RNF182: variants seen among roughly 807,000 people sequenced by gnomAD.
RNF182 encodes ring finger protein 182, also known as E3 ubiquitin-protein ligase RNF182.
Under a neutral mutation model 14.4 loss-of-function variants are expected in RNF182, and 15 were observed. The observed-to-expected ratio is 1.04, with a 90% CI of 0.70 to 1.60. The LOEUF (loss-of-function observed/expected upper bound fraction) is 1.60. Among genes scored for constraint, RNF182 ranks in the 40% most tolerant of loss-of-function variants. The pLI, the probability that RNF182 is intolerant of heterozygous loss-of-function variation, is 0.00. For missense variants in RNF182, 268 were observed against 294.8 expected, an observed-to-expected ratio of 0.91 and a Z score of 0.67; for synonymous variants, 128 against 122.9, an observed-to-expected ratio of 1.04 and a Z score of -0.27.
At chr6:13,952,183 A>G (rs939074273) in intron 1 of RNF182, among the ~76,000 whole-genome samples, 2 of 152,196 alleles carry the variant, frequency 1.3e-5, no homozygotes, top group Non-Finnish European at 2.9e-5. Context: ...CAGGGAGACC[A>G]GGGAAAGACC....
At chr6:13,954,305 A>G (rs1181623863) in intron 1 of RNF182, among the ~76,000 whole-genome samples, 4 of 152,248 alleles carry the variant, frequency 2.6e-5, no homozygotes, top group African/African-American at 4.8e-5. Context: ...CCTTACTGTC[A>G]TGAAATATTG....
chr6:13,944,121 T>C (rs1759375049), intron 1 of RNF182, among the ~76,000 whole-genome samples: 1 of 152,024 alleles, frequency 6.6e-6, no homozygotes, highest in Admixed American at 6.6e-5. Context: ...TTCAAAGAGG[T>C]GGCTCCCAGG....
chr6:13,932,861 A>C (rs1261514139), intron 1 of RNF182, among the ~76,000 whole-genome samples: 2 of 152,174 alleles, frequency 1.3e-5, no homozygotes, highest in Non-Finnish European at 2.9e-5. Context: ...CCTCATCTCT[A>C]TATTTAATTC....
chr6:13,956,627 T>A (rs1759739325), intron 1 of RNF182, among the ~76,000 whole-genome samples: 1 of 152,148 alleles, frequency 6.6e-6, no homozygotes, highest in Non-Finnish European at 1.5e-5. Context: ...TCCCGGCCTG[T>A]CCTTTGCGTT....
chr6:13,929,261 A>G (rs895870393), intron 1 of RNF182, among the ~76,000 whole-genome samples: 1 of 152,206 alleles, frequency 6.6e-6, no homozygotes, highest in Non-Finnish European at 1.5e-5. Flanking sequence ...GTGTTTGGCC[A>G]ACATATTGTA....
In RNF182 at chr6:13,936,820, G is replaced by T. The variant is rs1187961009; in HGVS notation, c.-367+11797G>T. 2.0e-5 allele frequency among the ~76,000 whole-genome samples: 3 copies of T among 152,184 alleles called. No homozygotes were observed. The East Asian group carries it at 5.8e-4, about 29-fold the overall frequency. ...AAGCAGGCAAATATGGGACAGTTTG[G>T]GGTGGTAAGTGTGGGTAAAAGAGCT... On this transcript the variant is annotated intron_variant, in intron 1 of 2. Coordinates refer to ENST00000488300, the MANE Select transcript of RNF182 (RefSeq NM_152737.4).
Position 13,976,997 on chromosome 6 carries a change from C to A in RNF182, c.-123C>A. The A allele has an allele frequency of 9.5e-7, 1 of 1,052,364 alleles. No homozygotes were observed. The highest frequency in any genetic ancestry group is 1.4e-6 in the Non-Finnish European group (1 of 722,050). The allele number at this position is 1,052,364 out of a possible 1,614,324, so 65.2% of individuals were successfully genotyped here. A position where few individuals can be genotyped will look rare whatever the true frequency, so the allele number is the denominator to read the frequency against. On this transcript the variant is annotated 5_prime_UTR_variant, in exon 3 of 3. Coordinates refer to ENST00000488300, the MANE Select transcript of RNF182 (RefSeq NM_152737.4). ...CCTGGAAGATTTCTGGTTTCTTTCACTACTTATCCTGCCTTTTTGCATCGC... is the reference window on the plus strand; with the variant it reads ...CCTGGAAGATTTCTGGTTTCTTTCAATACTTATCCTGCCTTTTTGCATCGC...
intron 1 of RNF182, among the ~76,000 whole-genome samples, chr6:13,941,663 TTC>T (rs1465177577): frequency 1.3e-5 from 2 of 152,114 alleles, no homozygotes; most frequent in African/African-American, 4.8e-5. Flanking sequence ...TTCAGTTTTC[TTC>T]TCTCTTTTCT....
At chr6:13,966,727 C>G (rs1242267733) in intron 1 of RNF182, among the ~76,000 whole-genome samples, 1 of 152,100 alleles carries the variant, frequency 6.6e-6, no homozygotes, top group African/African-American at 2.4e-5. Context: ...CATGCCACTG[C>G]ACTCCAGCCT....
At chr6:13,944,074 T>C (rs1759373914) in intron 1 of RNF182, among the ~76,000 whole-genome samples, 2 of 152,142 alleles carry the variant, frequency 1.3e-5, no homozygotes, top group African/African-American at 2.4e-5. Flanking sequence ...CAAGAAGAAC[T>C]GGGCAACAGG....
At chr6:13,974,146 T>C (rs1760266064) in intron 1 of RNF182, 64 bp from the exon 2 acceptor site, 1 of 152,144 alleles carries the variant, frequency 6.6e-6, no homozygotes, top group South Asian at 2.1e-4. Flanking sequence ...TTTTTTTAAC[T>C]GTAGCAGTTG....
chr6:13,940,253 C>G (rs548582671), intron 1 of RNF182, among the ~76,000 whole-genome samples: 1 of 152,014 alleles, frequency 6.6e-6, no homozygotes, highest in Non-Finnish European at 1.5e-5. Flanking sequence ...CCGCATTTAT[C>G]GAGATGATGA....
Position 13,977,418 on chromosome 6 carries a change from G to A in RNF182, c.299G>A (p.Cys100Tyr). 2.5e-6 allele frequency: 4 copies of A among 1,614,156 alleles called. No individual in the cohort carries two copies. Among genetic ancestry groups the A allele is most frequent in the Non-Finnish European group, 3.4e-6 (4 of 1,180,024 alleles). Residue 100 changes from cysteine (C) to tyrosine (Y), a missense_variant, in exon 3 of 3, where the codon TGC becomes TAC. Cys to Tyr is a radical substitution (Grantham distance 194, BLOSUM62 -2). Transcript: ENST00000488300. ...NLTCGGKGKK[C>Y]LPENPTELLL... The stretch of plus-strand genomic sequence containing the variant: ...ACTTGTGGAGGCAAAGGGAAGAAGT[G>A]CCTGCCAGAGAACCCTACTGAGCTG...
chr6:13,962,912 G>C (rs530992181), intron 1 of RNF182, among the ~76,000 whole-genome samples: 2 of 152,318 alleles, frequency 1.3e-5, no homozygotes, highest in South Asian at 4.1e-4. Context: ...ATGGACAGTG[G>C]AGTAATACAT....
intron 1 of RNF182, among the ~76,000 whole-genome samples, chr6:13,957,388 T>G (rs1759757877): frequency 6.6e-6 from 1 of 152,238 alleles, no homozygotes; most frequent in South Asian, 2.1e-4. Context: ...ATAGTTCTTT[T>G]TCTTCTTGTC....
intron 1 of RNF182, among the ~76,000 whole-genome samples, chr6:13,957,138 A>G (rs1010706721): frequency 6.6e-6 from 1 of 152,238 alleles, no homozygotes; most frequent in Non-Finnish European, 1.5e-5. Flanking sequence ...ACTACTTAAT[A>G]TACAATAAAT....
intron 1 of RNF182, chr6:13,949,545 G>A (rs1346737493): frequency 4.0e-6 from 2 of 498,560 alleles, no homozygotes; most frequent in African/African-American, 2.0e-5. Context: ...TCTGTGTTCT[G>A]CAGTAAAACC....
At chr6:13,958,946 G>A (rs999051495) in intron 1 of RNF182, among the ~76,000 whole-genome samples, 1 of 152,042 alleles carries the variant, frequency 6.6e-6, no homozygotes, top group East Asian at 1.9e-4. Flanking sequence ...GTTCCCTTGA[G>A]AGCTCATTGT....
At chr6:13,975,861 C>G (rs1278145265) in intron 2 of RNF182, among the ~76,000 whole-genome samples, 2 of 152,156 alleles carry the variant, frequency 1.3e-5, no homozygotes, top group Admixed American at 1.3e-4. Context: ...AATCAACTAC[C>G]AAAAATACTA....
Sources: gnomAD v4.1 joint callset for allele counts (sites outside exome capture counted in the v4.1 genomes callset) on GRCh38, gnomAD v4.1.1 for gene constraint, MANE v1.5 for transcripts, NCBI Gene and HGNC (gene_info 2026-07-23, HGNC 2026-07-21) for gene names.